The following MYO18B variants were observed in gnomAD, a reference collection of about 807,000 sequenced individuals.
MYO18B encodes the protein myosin XVIIIB, also known as unconventional myosin-XVIIIb.
Under a neutral mutation model 273.0 loss-of-function variants are expected in MYO18B, and 204 were observed. The observed-to-expected ratio is 0.75, with a 90% CI of 0.67 to 0.84. The LOEUF is 0.84. MYO18B is among the 40% of genes least tolerant of loss of function. MYO18B has a pLI of 0.00. For synonymous variants in MYO18B, 1,330 were observed against 1,305.7 expected, an observed-to-expected ratio of 1.02 and a Z score of -0.40; for missense variants, 3,212 against 3,287.6, an observed-to-expected ratio of 0.98 and a Z score of 0.56.
chr22:26,059,284 A>G, the MYO18B span, among the ~76,000 whole-genome samples: 2 of 152,220 alleles, frequency 1.3e-5, no homozygotes, highest in African/African-American at 4.8e-5. Context: ...TGGATCTTGG[A>G]AGCATTAGCA....
chr22:25,918,094 G>GT (rs746801000), intron 33 of MYO18B, among the ~76,000 whole-genome samples: 4 of 152,128 alleles, frequency 2.6e-5, no homozygotes, highest in Non-Finnish European at 5.9e-5. Flanking sequence ...CTGCTTAAAA[G>GT]CGATAAGGTC....
intron 14 of MYO18B, 28 bp downstream of exon 14, chr22:25,826,527 G>C: frequency 6.3e-7 from 1 of 1,597,396 alleles, no homozygotes; most frequent in South Asian, 1.1e-5. Flanking sequence ...TAGGCACACA[G>C]TTGGCCTCTT....
intron 25 of MYO18B, among the ~76,000 whole-genome samples, chr22:25,880,417 T>C (rs923863024): frequency 1.8e-4 from 28 of 152,200 alleles, no homozygotes; most frequent in Admixed American, 7.9e-4. Context: ...ATTGAGATTT[T>C]TAAAATATTG....
intron 12 of MYO18B, among the ~76,000 whole-genome samples, chr22:25,817,602 G>A (rs942480777): frequency 1.3e-5 from 2 of 152,016 alleles, no homozygotes; most frequent in Non-Finnish European, 1.5e-5. Context: ...ACCTGGTTAG[G>A]TAACTACTCT....
chr22:25,783,917 C>CT (rs2087267147), intron 10 of MYO18B, among the ~76,000 whole-genome samples: 1 of 152,236 alleles, frequency 6.6e-6, no homozygotes, highest in Non-Finnish European at 1.5e-5. Context: ...TTCCCTTTCT[C>CT]TACCTCTGCT....
intron 38 of MYO18B, 80 bp from the exon 39 acceptor site, chr22:25,955,099 G>T: frequency 7.2e-7 from 1 of 1,392,458 alleles, no homozygotes; most frequent in Non-Finnish European, 9.6e-7. Flanking sequence ...CTCGGCAAAG[G>T]ATTTATCTTC....
At chr22:25,820,087 GTCATCACCATCA>G (rs1198972163) in intron 12 of MYO18B, among the ~76,000 whole-genome samples, 3 of 908 alleles carry the variant, frequency 3.3e-3, no homozygotes, top group Admixed American at 0.012. Context: ...CATCATCACT[GTCATCACCATCA>G]TCATCACCAT....
intron 21 of MYO18B, among the ~76,000 whole-genome samples, chr22:25,865,924 A>G (rs2090872556): frequency 6.6e-6 from 1 of 152,054 alleles, no homozygotes; most frequent in Non-Finnish European, 1.5e-5. Flanking sequence ...ATTCATTTCT[A>G]CCACCTACAG....
At chr22:25,902,474 T>A in intron 29 of MYO18B, 139 bp from the exon 30 acceptor site, 2 of 949,476 alleles carry the variant, frequency 2.1e-6, no homozygotes, top group Non-Finnish European at 3.0e-6. Flanking sequence ...ACTTTCTCTA[T>A]CTCTCTTCTT....
rs151023852 is a variant in MYO18B, at chr22:25,803,967, AACACAC to A, written c.2521+5908_2521+5913del. 1.5e-3 allele frequency among the ~76,000 whole-genome samples: 211 copies of A among 136,958 alleles called. 2 individuals carry two copies. The highest frequency in any genetic ancestry group is 6.2e-3 in the South Asian group (24 of 3,870). 89.8% of individuals were successfully genotyped at this position (136,958 alleles called of 152,430 possible). On this transcript the variant is annotated intron_variant, in intron 12 of 43. Transcript: ENST00000335473. ...AAACATTTTACCTCTTGACCCAGTG[AACACAC>A]ACACACACACACACACACACACACA... is the stretch of plus-strand genomic sequence containing the variant.
At chr22:25,966,569 G>A (rs1240776251) in intron 39 of MYO18B, among the ~76,000 whole-genome samples, 4 of 152,106 alleles carry the variant, frequency 2.6e-5, no homozygotes, top group Non-Finnish European at 4.4e-5. Context: ...TTACTGCCCC[G>A]TTATCTCAGT....
intron 38 of MYO18B, among the ~76,000 whole-genome samples, chr22:25,954,612 G>C (rs1401341226): frequency 8.5e-5 from 13 of 152,164 alleles, no homozygotes; most frequent in African/African-American, 3.1e-4. Context: ...AGGTCACATA[G>C]CCAGGGAGAG....
At chr22:26,009,986 C>T (rs1449454600) in intron 42 of MYO18B, among the ~76,000 whole-genome samples, 1 of 152,126 alleles carries the variant, frequency 6.6e-6, no homozygotes, top group East Asian at 1.9e-4. Context: ...TCAGCATGTC[C>T]AAGAGGAAAC....
chr22:26,034,026 C>G (rs545307136), downstream of MYO18B, among the ~76,000 whole-genome samples: 4 of 151,818 alleles, frequency 2.6e-5, no homozygotes, highest in African/African-American at 7.3e-5. Context: ...GATCTTGGCT[C>G]TCTGCAACCT....
chr22:25,960,438 G>A (rs1422831852), intron 39 of MYO18B, among the ~76,000 whole-genome samples: 2 of 152,148 alleles, frequency 1.3e-5, no homozygotes, highest in Non-Finnish European at 2.9e-5. Flanking sequence ...CTATTTCAGA[G>A]GCTGCACCTG....
chr22:25,799,842 G>T (rs1433343845), intron 12 of MYO18B, among the ~76,000 whole-genome samples: 1 of 152,090 alleles, frequency 6.6e-6, no homozygotes, highest in Admixed American at 6.6e-5. Flanking sequence ...GCTGGGCTGG[G>T]GCAAATATGA....
intron 39 of MYO18B, among the ~76,000 whole-genome samples, chr22:25,980,881 A>G (rs574759932): frequency 6.6e-5 from 10 of 152,324 alleles, no homozygotes; most frequent in African/African-American, 2.2e-4. Context: ...CAAAAAACCA[A>G]GGTGTCAGCA....
intron 25 of MYO18B, among the ~76,000 whole-genome samples, chr22:25,886,380 G>C (rs1377735472): frequency 6.6e-6 from 1 of 152,178 alleles, no homozygotes; most frequent in African/African-American, 2.4e-5. Flanking sequence ...GCAGCTCTGG[G>C]GGCAGTACCA....
downstream of MYO18B, among the ~76,000 whole-genome samples, chr22:26,034,916 C>T (rs1936749469): frequency 2.6e-5 from 4 of 152,230 alleles, no homozygotes; most frequent in South Asian, 8.3e-4. Context: ...AGCACGGTTG[C>T]AGGCACTGTA....
Sources: gnomAD v4.1 joint callset for allele counts (sites outside exome capture counted in the v4.1 genomes callset) on GRCh38, gnomAD v4.1.1 for gene constraint, MANE v1.5 for transcripts, NCBI Gene and HGNC (gene_info 2026-07-23, HGNC 2026-07-21) for gene names.